ZNF721: variants seen among roughly 807,000 people sequenced by gnomAD.
The protein encoded by ZNF721 is zinc finger protein 721.
Under a neutral mutation model 2.4 loss-of-function variants are expected in ZNF721, and 2 were observed. The ratio of observed to expected loss-of-function variants is 0.82; its 90% CI spans 0.34 to 2.58. The LOEUF is 2.58. Ranked by LOEUF, ZNF721 falls within the 30% of genes most tolerant of loss-of-function variation. The pLI, the probability that ZNF721 is intolerant of heterozygous loss-of-function variation, is 0.11. For missense variants in ZNF721, 1,187 were observed against 1,085.5 expected, an observed-to-expected ratio of 1.09 and a Z score of -1.31; for synonymous variants, 398 against 381.8, an observed-to-expected ratio of 1.04 and a Z score of -0.50.
At chr4:490,604 G>A (rs1477047187) in intron 1 of ZNF721, among the ~76,000 whole-genome samples, 2 of 152,086 alleles carry the variant, frequency 1.3e-5, no homozygotes, top group Non-Finnish European at 2.9e-5. Context: ...TTTTTTAGAG[G>A]TTTGCTTTCC....
intron 2 of ZNF721, among the ~76,000 whole-genome samples, chr4:462,859 TA>T (rs1553866270): frequency 6.6e-6 from 1 of 152,028 alleles, no homozygotes; most frequent in African/African-American, 2.4e-5. Flanking sequence ...ACTTCATGAC[TA>T]AAACACCAAA....
intron 1 of ZNF721, among the ~76,000 whole-genome samples, chr4:489,613 T>G (rs1576973593): frequency 2.0e-5 from 3 of 152,066 alleles, no homozygotes; most frequent in African/African-American, 7.2e-5. Context: ...AGAGAGGCTG[T>G]TCCCTCACTT....
chr4:443,097 G>T lies in ZNF721; in HGVS notation c.1370C>A (p.Ser457Tyr). Residue 457 changes from serine to tyrosine, a missense_variant, in exon 3 of 3, where the codon TCC becomes TAC. By Grantham distance (144) the Ser-to-Tyr change is moderately radical. Transcript: ENST00000511833. ...CKECGKAFIH[S>Y]LHLNKHEKIH... Reference sequence around the variant, plus strand: ...TTTCTCATGTTTATTCAGGTGCAAGGAATGTATAAAGGCTTTCCCACATTC... The same window carrying T: ...TTTCTCATGTTTATTCAGGTGCAAGTAATGTATAAAGGCTTTCCCACATTC... 6.2e-7 allele frequency: 1 copy of T among 1,613,866 alleles called. No individual in the cohort carries two copies. The highest frequency in any genetic ancestry group is 8.5e-7 in the Non-Finnish European group (1 of 1,179,834).
At chr4:466,603 C>G (rs6825856) in intron 2 of ZNF721, among the ~76,000 whole-genome samples, 62,249 of 151,970 alleles carry the variant, frequency 0.41, 13,229 homozygotes, top group African/African-American at 0.53. Context: ...TTTTTTCTTT[C>G]TTAAAATAGT....
chr4:473,010 C>G (rs1553868002), intron 1 of ZNF721, among the ~76,000 whole-genome samples: 1 of 152,024 alleles, frequency 6.6e-6, no homozygotes, highest in African/African-American at 2.4e-5. Context: ...AGTCCTCATG[C>G]TTGACCTTGG....
Position 450,962 on chromosome 4 carries a change from TATATATA to T in ZNF721, c.35-6537_35-6531del, listed in dbSNP as rs1560228781. Among the ~76,000 whole-genome samples, 63 of 18,576 alleles carry T rather than the reference TATATATA, an allele frequency of 3.4e-3. 5 individuals are homozygous for T. Among genetic ancestry groups the T allele is most frequent in the Middle Eastern group, 0.042 (1 of 24 alleles). The allele number at this position is 18,576 out of a possible 152,430, so 12.2% of individuals were successfully genotyped here. ...CAAAAAAAAAAAAAAAAAAAATATA[TATATATA>T]TATATATATATATATATATATATAT... On this transcript the variant is annotated intron_variant, in intron 2 of 2. Transcript: ENST00000511833.
At chr4:495,082 C>T (rs1716115848) in intron 1 of ZNF721, among the ~76,000 whole-genome samples, 1 of 151,928 alleles carries the variant, frequency 6.6e-6, no homozygotes, top group African/African-American at 2.4e-5. Context: ...CGAGGTTTCA[C>T]TGTGTTAGCC....
intron 2 of ZNF721, among the ~76,000 whole-genome samples, chr4:458,751 C>T (rs948850916): frequency 6.6e-6 from 1 of 152,026 alleles, no homozygotes; most frequent in African/African-American, 2.4e-5. Flanking sequence ...GAGGCTAAGG[C>T]AGGAAAATCG....
chr4:493,070 C>T (rs1281573215), intron 1 of ZNF721, among the ~76,000 whole-genome samples: 1 of 150,526 alleles, frequency 6.6e-6, no homozygotes, highest in Non-Finnish European at 1.5e-5. Flanking sequence ...TATCACATTA[C>T]ATTTACCTAT....
chr4:493,204 A>G (rs78606046), intron 1 of ZNF721, among the ~76,000 whole-genome samples: 1 of 151,730 alleles, frequency 6.6e-6, no homozygotes, highest in African/African-American at 2.4e-5. Context: ...GGCCTAACAG[A>G]TTCCATTTTC....
intron 2 of ZNF721, among the ~76,000 whole-genome samples, chr4:445,681 AG>A (rs1358419291): frequency 6.6e-6 from 1 of 152,204 alleles, no homozygotes; most frequent in Non-Finnish European, 1.5e-5. Context: ...ACATAAAAAA[AG>A]GAGGTGAAAA....
At chr4:459,213 C>G (rs1034667252) in intron 2 of ZNF721, among the ~76,000 whole-genome samples, 1 of 152,142 alleles carries the variant, frequency 6.6e-6, no homozygotes, top group Non-Finnish European at 1.5e-5. Context: ...ACTGTAAAGA[C>G]CATCAACACT....
intron 1 of ZNF721, among the ~76,000 whole-genome samples, chr4:488,762 G>A (rs1441416133): frequency 1.3e-5 from 2 of 152,002 alleles, no homozygotes; most frequent in African/African-American, 2.4e-5. Context: ...CACAGTAGGT[G>A]GATGTTGCAG....
rs1714241494 is a variant in ZNF721, at chr4:441,701, T to C, written c.2766A>G (p.Gln922=). 1 of 1,604,636 alleles carries C rather than the reference T, an allele frequency of 6.2e-7. No homozygotes were observed. Among genetic ancestry groups the C allele is most frequent in the African/African-American group, 1.3e-5 (1 of 74,754 alleles). Residue 922 remains glutamine (Q), a synonymous_variant, in exon 3 of 3, where the codon CAA becomes CAG. Transcript: ENST00000511833. ...AAAGGCTTTGCCACATTCTTTACACTTGTATGGTTTTATCTCCAGTATGAA... is the reference window on the plus strand; with the variant it reads ...AAAGGCTTTGCCACATTCTTTACACCTGTATGGTTTTATCTCCAGTATGAA... ...KKIHTGDKTI[Q]V is the part of the protein sequence containing the mutation.
chr4:441,519 T>C lies in ZNF721; in HGVS notation c.*176A>G. 1.7e-6 allele frequency: 1 copy of C among 596,990 alleles called. No individual in the cohort carries two copies. 37.0% of individuals were successfully genotyped at this position (596,990 alleles called of 1,614,324 possible). ...CAGATTGAGGTGTGATTAAAAGCCT[T>C]CTCACATTTTTCACATTTTAGAGTT... On this transcript the variant is annotated 3_prime_UTR_variant, in exon 3 of 3. Coordinates refer to ENST00000511833, the MANE Select transcript of ZNF721 (RefSeq NM_133474.4).
At chr4:495,761 C>A (rs1716137138) in intron 1 of ZNF721, among the ~76,000 whole-genome samples, 1 of 152,042 alleles carries the variant, frequency 6.6e-6, no homozygotes, top group Admixed American at 6.6e-5. Context: ...CGCCACCACG[C>A]CCAGCTAATT....
chr4:441,373 G>C lies in ZNF721; in HGVS notation c.*322C>G. 4.9e-6 allele frequency: 1 copy of C among 203,530 alleles called. No homozygotes were observed. Among genetic ancestry groups the C allele is most frequent in the South Asian group, 1.3e-4 (1 of 7,602 alleles). The allele number at this position is 203,530 out of a possible 1,614,324, so 12.6% of individuals were successfully genotyped here. On this transcript the variant is annotated 3_prime_UTR_variant, in exon 3 of 3. Transcript: ENST00000511833. Reference sequence around the variant, plus strand: ...GGTTACAAGTTTTGCCACATTTTTTGTATTTCCAGGTGTTTTCTTCAGTAG... The same window carrying C: ...GGTTACAAGTTTTGCCACATTTTTTCTATTTCCAGGTGTTTTCTTCAGTAG...
intron 1 of ZNF721, among the ~76,000 whole-genome samples, chr4:475,730 C>T (rs1281353670): frequency 6.6e-6 from 1 of 151,778 alleles, no homozygotes; most frequent in Non-Finnish European, 1.5e-5. Flanking sequence ...CAAGAATGGC[C>T]AACCTCTTAG....
chr4:477,254 CTTTTTTTT>C (rs35272784), intron 1 of ZNF721, among the ~76,000 whole-genome samples: 168 of 74,208 alleles, frequency 2.3e-3, no homozygotes, highest in Admixed American at 5.6e-3. Context: ...TGGTGAGTTC[CTTTTTTTT>C]TTTTTTTTTT....
Sources: allele counts gnomAD v4.1 joint callset (sites outside exome capture counted in the v4.1 genomes callset), GRCh38; gene constraint gnomAD v4.1.1; transcripts MANE v1.5; gene names NCBI Gene and HGNC (gene_info 2026-07-23, HGNC 2026-07-21).